PTPRD: variants seen among roughly 807,000 people sequenced by gnomAD.
The protein encoded by PTPRD is receptor-type tyrosine-protein phosphatase delta.
Under a neutral mutation model 214.5 loss-of-function variants are expected in PTPRD, and 34 were observed. The observed-to-expected ratio is 0.16, with a 90% confidence interval of 0.12 to 0.21. The LOEUF (loss-of-function observed/expected upper bound fraction) is 0.21, where lower values mean the gene tolerates loss of function less well. Among genes scored for constraint, PTPRD ranks in the 10% least tolerant of loss-of-function variants. The pLI is 1.00. For missense variants in PTPRD, 2,545 were observed against 2,398.7 expected (o/e 1.06, Z -1.27); for synonymous variants, 1,128 against 845.7 (o/e 1.33, Z -5.79).
intron 2 of PTPRD, among the ~76,000 whole-genome samples, chr9:10,380,859 G>C (rs1374131253): frequency 6.6e-6 from 1 of 151,760 alleles, no homozygotes; most frequent in Non-Finnish European, 1.5e-5. Flanking sequence ...GTGATTAGTC[G>C]ATTATGCTAT....
At chr9:8,629,695 T>C (rs2096184693) in intron 14 of PTPRD, among the ~76,000 whole-genome samples, 1 of 151,784 alleles carries the variant, frequency 6.6e-6, no homozygotes. Flanking sequence ...TAAAGTGTTG[T>C]ATCATTAGGG....
intron 12 of PTPRD, among the ~76,000 whole-genome samples, chr9:8,658,841 G>A (rs1017855353): frequency 6.6e-6 from 1 of 151,866 alleles, no homozygotes; most frequent in Non-Finnish European, 1.5e-5. Flanking sequence ...TCCTTGATAC[G>A]GAATCCCTGA....
chr9:10,320,301 ACAG>A (rs2096530557), intron 3 of PTPRD, among the ~76,000 whole-genome samples: 1 of 152,054 alleles, frequency 6.6e-6, no homozygotes, highest in Admixed American at 6.5e-5. Flanking sequence ...AGCAATGCCT[ACAG>A]CTGAGGGGAA....
intron 7 of PTPRD, among the ~76,000 whole-genome samples, chr9:9,731,832 T>C (rs1223530608): frequency 6.6e-6 from 1 of 152,118 alleles, no homozygotes; most frequent in Non-Finnish European, 1.5e-5. Context: ...TAATTGAAAA[T>C]ATTGAGGAAC....
At chr9:10,552,685 CAG>C (rs1379226435) in intron 2 of PTPRD, among the ~76,000 whole-genome samples, 1 of 152,056 alleles carries the variant, frequency 6.6e-6, no homozygotes, top group Non-Finnish European at 1.5e-5. Context: ...AGGAGCACTG[CAG>C]ATTTATGGCA....
intron 5 of PTPRD, among the ~76,000 whole-genome samples, chr9:9,791,878 C>A (rs2098969977): frequency 6.6e-6 from 1 of 152,054 alleles, no homozygotes; most frequent in South Asian, 2.1e-4. Flanking sequence ...TAAGAATTTT[C>A]TTATGCTTAG....
intron 33 of PTPRD, among the ~76,000 whole-genome samples, chr9:8,454,046 T>C (rs7030642): frequency 0.3 from 45,545 of 152,082 alleles, 6,972 homozygotes; most frequent in African/African-American, 0.36. Context: ...AATAATCACA[T>C]AGTGTATTTT....
chr9:8,464,405 G>C (rs1160294659), intron 32 of PTPRD, among the ~76,000 whole-genome samples: 2 of 151,962 alleles, frequency 1.3e-5, no homozygotes, highest in African/African-American at 4.8e-5. Flanking sequence ...CCATTACTTT[G>C]TTTTCAAATG....
At chr9:8,930,633 G>A (rs1469479526) in intron 11 of PTPRD, among the ~76,000 whole-genome samples, 1 of 152,142 alleles carries the variant, frequency 6.6e-6, no homozygotes, top group Non-Finnish European at 1.5e-5. Flanking sequence ...GTTGTTTCCT[G>A]ACTTTTTAAT....
chr9:10,538,673 AT>A (rs2058430142), intron 2 of PTPRD, among the ~76,000 whole-genome samples: 1 of 151,270 alleles, frequency 6.6e-6, no homozygotes, highest in African/African-American at 2.5e-5. Context: ...GATGTACTGA[AT>A]AAATTCTTTC....
intron 12 of PTPRD, among the ~76,000 whole-genome samples, chr9:8,643,274 G>C (rs1193645261): frequency 6.6e-6 from 1 of 151,866 alleles, no homozygotes; most frequent in Non-Finnish European, 1.5e-5. Context: ...TTTTCAAAGA[G>C]TCTTGCAAGA....
At chr9:10,073,432 A>T (rs1210666682) in intron 3 of PTPRD, among the ~76,000 whole-genome samples, 1 of 152,152 alleles carries the variant, frequency 6.6e-6, no homozygotes, top group East Asian at 1.9e-4. Context: ...AGCCAAGAGG[A>T]GCCTACAGAG....
chr9:9,053,959 C>A (rs898725702), intron 10 of PTPRD, among the ~76,000 whole-genome samples: 1 of 151,936 alleles, frequency 6.6e-6, no homozygotes, highest in South Asian at 2.1e-4. Flanking sequence ...TAAAAGATTC[C>A]CCCTAAATTA....
chr9:8,586,469 T>A (rs1487502230), intron 14 of PTPRD, among the ~76,000 whole-genome samples: 1 of 152,208 alleles, frequency 6.6e-6, no homozygotes, highest in South Asian at 2.1e-4. Flanking sequence ...TTCTTTGTGT[T>A]GTCCTTATTT....
chr9:8,558,799 ATGACT>A (rs2084997370), intron 14 of PTPRD, among the ~76,000 whole-genome samples: 1 of 152,200 alleles, frequency 6.6e-6, no homozygotes, highest in South Asian at 2.1e-4. Context: ...ACGTGTAATC[ATGACT>A]TGACTTACAT....
intron 3 of PTPRD, among the ~76,000 whole-genome samples, chr9:10,202,699 T>TATATATATATATGC (rs58134083): frequency 6.9e-6 from 1 of 144,990 alleles, no homozygotes; most frequent in African/African-American, 2.5e-5. Flanking sequence ...TATATATATA[T>TATATATATATATGC]GCACCAGTGA....
At chr9:8,895,854 A>G (rs1196069398) in intron 11 of PTPRD, among the ~76,000 whole-genome samples, 4 of 152,236 alleles carry the variant, frequency 2.6e-5, no homozygotes, top group African/African-American at 9.6e-5. Flanking sequence ...ATTTCACATT[A>G]AAGTTGGGCA....
intron 11 of PTPRD, among the ~76,000 whole-genome samples, chr9:8,735,544 A>G (rs1289532140): frequency 6.6e-6 from 1 of 152,162 alleles, no homozygotes; most frequent in Non-Finnish European, 1.5e-5. Flanking sequence ...CAGAGACCAC[A>G]CTTTGAGAAC....
chr9:9,753,075 T>C (rs2098537167), intron 6 of PTPRD, among the ~76,000 whole-genome samples: 2 of 152,106 alleles, frequency 1.3e-5, no homozygotes, highest in African/African-American at 4.8e-5. Context: ...GAAGAAATGT[T>C]AGACTTTTAA....
Sources: gnomAD v4.1 joint callset for allele counts (sites outside exome capture counted in the v4.1 genomes callset) on GRCh38, gnomAD v4.1.1 for gene constraint, MANE v1.5 for transcripts, NCBI Gene and HGNC (gene_info 2026-07-23, HGNC 2026-07-21) for gene names.